Variants in BLTP3A observed in about 807,000 individuals in gnomAD.
The protein encoded by BLTP3A is bridge-like lipid transfer protein family member 3A.
the BLTP3A span, among the ~76,000 whole-genome samples, chr6:34,794,549 G>A: frequency 6.6e-6 from 1 of 152,180 alleles, no homozygotes; most frequent in Non-Finnish European, 1.5e-5. Flanking sequence ...AGAGGAAGGA[G>A]CAGTTATAAA....
the BLTP3A span, among the ~76,000 whole-genome samples, chr6:34,817,091 T>C: frequency 1.3e-5 from 2 of 152,272 alleles, no homozygotes; most frequent in African/African-American, 4.8e-5. Context: ...TCAGGACTAC[T>C]GTCTCCTCAG....
chr6:34,863,846 T>C, the BLTP3A span, among the ~76,000 whole-genome samples: 1 of 152,334 alleles, frequency 6.6e-6, no homozygotes, highest in African/African-American at 2.4e-5. Flanking sequence ...ACTTGATCTC[T>C]TTACAGCCAG....
At chr6:34,796,995 G>C in the BLTP3A span, among the ~76,000 whole-genome samples, 4 of 152,228 alleles carry the variant, frequency 2.6e-5, no homozygotes, top group African/African-American at 9.6e-5. Context: ...GAGCCACTGC[G>C]CCCGGCCCTG....
the BLTP3A span, among the ~76,000 whole-genome samples, chr6:34,822,847 T>C: frequency 0.44 from 66,488 of 149,882 alleles, 16,744 homozygotes; most frequent in African/African-American, 0.7. Context: ...AAGACTCTGT[T>C]TCGGGAAAAA....
chr6:34,838,214 C>T, the BLTP3A span, among the ~76,000 whole-genome samples: 3 of 152,176 alleles, frequency 2.0e-5, no homozygotes, highest in Admixed American at 6.6e-5. Context: ...TTCATTTCTT[C>T]TTACATTATG....
the BLTP3A span, chr6:34,859,094 A>G: frequency 1.9e-5 from 31 of 1,614,102 alleles, no homozygotes; most frequent in Non-Finnish European, 2.5e-5. Flanking sequence ...CCTTCAGAGG[A>G]TCGGGAACTG....
the BLTP3A span, among the ~76,000 whole-genome samples, chr6:34,853,683 C>T: frequency 6.6e-6 from 1 of 152,066 alleles, no homozygotes; most frequent in Non-Finnish European, 1.5e-5. Context: ...ACCTCAGCCT[C>T]CTGAGTAGCT....
the BLTP3A span, among the ~76,000 whole-genome samples, chr6:34,809,065 T>A: frequency 6.6e-6 from 1 of 152,164 alleles, no homozygotes; most frequent in Non-Finnish European, 1.5e-5. Context: ...ATGACCTTGA[T>A]AAGAAAAACA....
chr6:34,833,412 T>C, the BLTP3A span, among the ~76,000 whole-genome samples: 4 of 51,400 alleles, frequency 7.8e-5, no homozygotes, highest in African/African-American at 1.8e-4. Flanking sequence ...TCATTGAAGA[T>C]TTTTTTTTTT....
At chr6:34,827,956 G>T in the BLTP3A span, among the ~76,000 whole-genome samples, 6 of 152,026 alleles carry the variant, frequency 3.9e-5, no homozygotes, top group South Asian at 2.1e-4. Flanking sequence ...ATACAGAAAG[G>T]TTCTTTTATT....
the BLTP3A span, among the ~76,000 whole-genome samples, chr6:34,865,537 T>A: frequency 6.6e-6 from 1 of 152,260 alleles, no homozygotes; most frequent in Non-Finnish European, 1.5e-5. Flanking sequence ...ATACTTTTTT[T>A]CATATTCCTT....
At chr6:34,818,260 G>A in the BLTP3A span, among the ~76,000 whole-genome samples, 9 of 152,150 alleles carry the variant, frequency 5.9e-5, no homozygotes, top group African/African-American at 1.9e-4. Context: ...CTTCAACCCA[G>A]GAGTTTGAGA....
the BLTP3A span, among the ~76,000 whole-genome samples, chr6:34,839,156 A>T: frequency 6.6e-6 from 1 of 152,212 alleles, no homozygotes; most frequent in African/African-American, 2.4e-5. Flanking sequence ...AGGCTGAGGC[A>T]GGAGAATTGC....
At chr6:34,822,137 G>C in the BLTP3A span, among the ~76,000 whole-genome samples, 3 of 152,030 alleles carry the variant, frequency 2.0e-5, no homozygotes, top group African/African-American at 7.2e-5. Flanking sequence ...CTGCTGTATG[G>C]TATAGGATTA....
the BLTP3A span, chr6:34,834,899 C>T: frequency 1.3e-6 from 2 of 1,598,968 alleles, no homozygotes; most frequent in Non-Finnish European, 1.7e-6. Context: ...ACTTCCATCT[C>T]TTATTCTATG....
chr6:34,838,134 A>G, the BLTP3A span, among the ~76,000 whole-genome samples: 3 of 152,194 alleles, frequency 2.0e-5, no homozygotes, highest in African/African-American at 7.2e-5. Flanking sequence ...TATTTTTACA[A>G]TGCAATTATT....
the BLTP3A span, chr6:34,836,135 TTC>T: frequency 1.2e-6 from 2 of 1,607,238 alleles, no homozygotes; most frequent in Non-Finnish European, 1.7e-6. Context: ...GACTTCCTGT[TTC>T]TCTCTCTGTC....
At chr6:34,804,884 T>A in the BLTP3A span, among the ~76,000 whole-genome samples, 1 of 152,364 alleles carries the variant, frequency 6.6e-6, no homozygotes, top group Non-Finnish European at 1.5e-5. Flanking sequence ...TGTTGATTAC[T>A]AGCTCTATGA....
chr6:34,801,690 G>T, the BLTP3A span, among the ~76,000 whole-genome samples: 5 of 151,970 alleles, frequency 3.3e-5, no homozygotes, highest in Non-Finnish European at 5.9e-5. Flanking sequence ...ACAAAATATC[G>T]CACAGCTTTA....
Sources: gnomAD v4.1 joint callset for allele counts (sites outside exome capture counted in the v4.1 genomes callset) on GRCh38, gnomAD v4.1.1 for gene constraint, MANE v1.5 for transcripts, NCBI Gene and HGNC (gene_info 2026-07-23, HGNC 2026-07-21) for gene names.